NLGN1: variants seen among roughly 807,000 people sequenced by gnomAD.
NLGN1 encodes neuroligin 1.
Under a neutral mutation model 65.5 loss-of-function variants are expected in NLGN1, and 12 were observed. The ratio of observed to expected loss-of-function variants is 0.18; its 90% CI spans 0.12 to 0.30. NLGN1 has a LOEUF of 0.30. NLGN1 is among the 10% of genes least tolerant of loss of function. The pLI is 1.00. For missense variants in NLGN1, 750 were observed against 1,007.1 expected (o/e 0.74, Z 3.46); for synonymous variants, 350 against 359.5 (o/e 0.97, Z 0.30).
chr3:174,086,181 A>G (rs933962754), intron 4 of NLGN1, among the ~76,000 whole-genome samples: 3 of 149,496 alleles, frequency 2.0e-5, no homozygotes, highest in Non-Finnish European at 4.5e-5. Context: ...TGAAGTATAT[A>G]TATGTGTGTG....
chr3:173,917,926 A>G (rs1239339169), intron 4 of NLGN1, among the ~76,000 whole-genome samples: 1 of 151,642 alleles, frequency 6.6e-6, no homozygotes, highest in Non-Finnish European at 1.5e-5. Flanking sequence ...TCAACAGGCT[A>G]TGGTTCAAAC....
chr3:173,704,851 G>A (rs1421366338), intron 3 of NLGN1, among the ~76,000 whole-genome samples: 1 of 152,096 alleles, frequency 6.6e-6, no homozygotes, highest in African/African-American at 2.4e-5. Context: ...TTTGTCTACT[G>A]TTCTGTTTGA....
chr3:173,952,325 A>G (rs1322483428), intron 4 of NLGN1, among the ~76,000 whole-genome samples: 1 of 152,214 alleles, frequency 6.6e-6, no homozygotes, highest in African/African-American at 2.4e-5. Flanking sequence ...TGGAGCTGCT[A>G]GCAGTCTTGT....
At chr3:174,016,232 T>A (rs9874823) in intron 4 of NLGN1, among the ~76,000 whole-genome samples, 1 of 152,060 alleles carries the variant, frequency 6.6e-6, no homozygotes, top group African/African-American at 2.4e-5. Flanking sequence ...GTCTGTTTGC[T>A]GAAGACCGTT....
chr3:173,565,658 A>G (rs1185457190), intron 2 of NLGN1, among the ~76,000 whole-genome samples: 1 of 152,216 alleles, frequency 6.6e-6, no homozygotes, highest in Non-Finnish European at 1.5e-5. Flanking sequence ...CCACAGAGAA[A>G]AAAGCAGCAG....
chr3:174,138,358 AG>A (rs1296315115), intron 4 of NLGN1, among the ~76,000 whole-genome samples: 1 of 151,484 alleles, frequency 6.6e-6, no homozygotes, highest in African/African-American at 2.4e-5. Context: ...CCTTCATTTT[AG>A]TTGTAATTTA....
intron 3 of NLGN1, among the ~76,000 whole-genome samples, chr3:173,702,156 G>A (rs1298693819): frequency 3.4e-5 from 5 of 148,394 alleles, no homozygotes; most frequent in African/African-American, 1.2e-4. Flanking sequence ...GGAGAATGGC[G>A]TGAACCCGGG....
At chr3:173,534,118 G>C (rs915940206) in intron 2 of NLGN1, among the ~76,000 whole-genome samples, 2 of 152,140 alleles carry the variant, frequency 1.3e-5, no homozygotes, top group Admixed American at 1.3e-4. Context: ...TGGGGATAAT[G>C]CTTACCTTGT....
chr3:174,006,538 C>G (rs291932), intron 4 of NLGN1, among the ~76,000 whole-genome samples: 146,128 of 152,252 alleles, frequency 0.96, 70,176 homozygotes, highest in East Asian at 1. Flanking sequence ...AGCTCGAATT[C>G]TCTGTCCCTC....
intron 4 of NLGN1, among the ~76,000 whole-genome samples, chr3:174,188,737 C>T (rs1305922051): frequency 1.3e-5 from 2 of 151,896 alleles, no homozygotes; most frequent in Non-Finnish European, 2.9e-5. Flanking sequence ...CATTTATCCT[C>T]AAAATAACAC....
chr3:174,073,439 C>T (rs1321310314), intron 4 of NLGN1, among the ~76,000 whole-genome samples: 1 of 152,084 alleles, frequency 6.6e-6, no homozygotes, highest in Non-Finnish European at 1.5e-5. Flanking sequence ...TTGAGCAGCA[C>T]ATCTTTTGAA....
At chr3:173,569,984 G>A (rs1351906269) in intron 2 of NLGN1, among the ~76,000 whole-genome samples, 2 of 152,132 alleles carry the variant, frequency 1.3e-5, no homozygotes, top group Non-Finnish European at 2.9e-5. Context: ...AACAAAGGTA[G>A]GAATGTAGAT....
chr3:173,838,313 G>C (rs998485760), intron 4 of NLGN1, among the ~76,000 whole-genome samples: 1 of 151,880 alleles, frequency 6.6e-6, no homozygotes, highest in African/African-American at 2.4e-5. Flanking sequence ...TTATAAAATA[G>C]ATATGATAAC....
At chr3:173,397,792 G>A (rs1156912897), upstream of NLGN1, 1 of 152,184 alleles carries the variant, frequency 6.6e-6, no homozygotes, top group African/African-American at 2.4e-5. Context: ...GAGCGCGCCC[G>A]GGCGGCCAGC....
intron 3 of NLGN1, among the ~76,000 whole-genome samples, chr3:173,648,552 G>GTAGA (rs368750842): frequency 2.8e-4 from 43 of 152,090 alleles, no homozygotes; most frequent in African/African-American, 1.0e-3. Context: ...AAACAACTGG[G>GTAGA]TAGATTCTTC....
At chr3:173,583,905 G>A (rs1746817232) in intron 2 of NLGN1, among the ~76,000 whole-genome samples, 1 of 151,954 alleles carries the variant, frequency 6.6e-6, no homozygotes, top group African/African-American at 2.4e-5. Flanking sequence ...TTCCTTTAAA[G>A]GAAATAAAAT....
At chr3:174,133,566 G>A (rs1720614865) in intron 4 of NLGN1, among the ~76,000 whole-genome samples, 1 of 152,086 alleles carries the variant, frequency 6.6e-6, no homozygotes, top group Admixed American at 6.6e-5. Context: ...ATGACAAGGA[G>A]GTTGAGGATG....
intron 3 of NLGN1, among the ~76,000 whole-genome samples, chr3:173,662,314 C>T (rs1367046756): frequency 2.0e-5 from 3 of 151,974 alleles, no homozygotes; most frequent in African/African-American, 7.2e-5. Context: ...TGCTTCTAGA[C>T]ATAGTTCTGC....
chr3:174,076,700 AGAGAGAGAGAGAGAGAGAGAGAGAGTGT>A (rs1201161982), intron 4 of NLGN1, among the ~76,000 whole-genome samples: 5 of 143,588 alleles, frequency 3.5e-5, no homozygotes, highest in African/African-American at 1.1e-4. Context: ...AGAGAGAGAG[AGAGAGAGAGAGAGAGAGAGAGAGAGTGT>A]GTGTGTGTGT....
Sources: allele counts gnomAD v4.1 joint callset (sites outside exome capture counted in the v4.1 genomes callset), GRCh38; gene constraint gnomAD v4.1.1; transcripts MANE v1.5; gene names NCBI Gene and HGNC (gene_info 2026-07-23, HGNC 2026-07-21).